The following GULP1 variants were observed in gnomAD, a reference collection of about 807,000 sequenced individuals.
GULP1 encodes the protein PTB domain-containing engulfment adapter protein 1.
GULP1 carries 19 observed loss-of-function variants against 40.9 expected under a neutral mutation model. That is an observed-to-expected ratio of 0.46 (90% CI 0.32 to 0.68). The LOEUF is 0.68. Ranked by LOEUF, GULP1 falls within the 30% of genes least tolerant of loss-of-function variation. The probability of loss-of-function intolerance (pLI) is 0.03; values close to 1 mark genes in which losing one functional copy is unlikely to be tolerated. For missense variants in GULP1, 312 were observed against 362.2 expected (o/e 0.86, Z 1.12); for synonymous variants, 119 against 117.6 (o/e 1.01, Z -0.08).
intron 2 of GULP1, among the ~76,000 whole-genome samples, chr2:188,455,654 T>TA (rs2059198276): frequency 6.6e-6 from 1 of 152,116 alleles, no homozygotes; most frequent in Non-Finnish European, 1.5e-5. Flanking sequence ...AAAGGACTAA[T>TA]ACAGTAAATT....
At chr2:188,343,716 G>T (rs374259769) in intron 1 of GULP1, among the ~76,000 whole-genome samples, 33 of 152,286 alleles carry the variant, frequency 2.2e-4, no homozygotes, top group African/African-American at 7.5e-4. Flanking sequence ...TTTCCTCAAA[G>T]GGTAGGAGAA....
At chr2:188,305,613 A>G (rs1297650304) in intron 1 of GULP1, among the ~76,000 whole-genome samples, 1 of 152,216 alleles carries the variant, frequency 6.6e-6, no homozygotes, top group Non-Finnish European at 1.5e-5. Flanking sequence ...AAGGACTATG[A>G]AAGTTGGGAG....
At chr2:188,336,352 G>A (rs1380213038) in intron 1 of GULP1, among the ~76,000 whole-genome samples, 1 of 152,132 alleles carries the variant, frequency 6.6e-6, no homozygotes, top group African/African-American at 2.4e-5. Flanking sequence ...CTACATGTTT[G>A]TGAAATGGGC....
intron 1 of GULP1, among the ~76,000 whole-genome samples, chr2:188,345,460 GA>G (rs990534241): frequency 2.0e-5 from 3 of 152,144 alleles, no homozygotes; most frequent in Non-Finnish European, 4.4e-5. Context: ...GAAGACAGGG[GA>G]ACAATTTTTT....
At chr2:188,552,716 T>A (rs917298040) in intron 7 of GULP1, among the ~76,000 whole-genome samples, 1 of 151,726 alleles carries the variant, frequency 6.6e-6, no homozygotes. Flanking sequence ...TGGTAGTCAT[T>A]TAAATGATAT....
chr2:188,457,720 G>A (rs1007827630), intron 2 of GULP1, among the ~76,000 whole-genome samples: 6 of 152,102 alleles, frequency 3.9e-5, no homozygotes, highest in South Asian at 2.1e-4. Context: ...TTATCAAGAC[G>A]TCTTTGCCCT....
At chr2:188,543,164 G>A (rs932740509) in intron 7 of GULP1, among the ~76,000 whole-genome samples, 22 of 151,788 alleles carry the variant, frequency 1.4e-4, no homozygotes, top group African/African-American at 5.1e-4. Context: ...CTTGTTGTGC[G>A]CATGTACCCT....
At chr2:188,366,203 A>G (rs1227080873) in intron 1 of GULP1, among the ~76,000 whole-genome samples, 1 of 152,190 alleles carries the variant, frequency 6.6e-6, no homozygotes, top group South Asian at 2.1e-4. Context: ...TAGAAATTTT[A>G]TGCTGAATAG....
intron 9 of GULP1, among the ~76,000 whole-genome samples, chr2:188,573,397 A>T (rs1037638683): frequency 2.0e-5 from 3 of 152,238 alleles, no homozygotes; most frequent in Non-Finnish European, 2.9e-5. Context: ...TGAATTTGAA[A>T]AACAGACAAT....
chr2:188,367,221 C>T (rs1231120429), intron 1 of GULP1, among the ~76,000 whole-genome samples: 1 of 152,034 alleles, frequency 6.6e-6, no homozygotes, highest in African/African-American at 2.4e-5. Flanking sequence ...GAATGATGTC[C>T]CACTGTTTAT....
chr2:188,468,732 GA>G (rs1255732710), intron 2 of GULP1, among the ~76,000 whole-genome samples: 1 of 152,110 alleles, frequency 6.6e-6, no homozygotes, highest in Non-Finnish European at 1.5e-5. Flanking sequence ...TTAGTTGCCA[GA>G]AATCTTTCCA....
At chr2:188,524,609 T>C (rs939006846) in intron 5 of GULP1, among the ~76,000 whole-genome samples, 26 of 150,966 alleles carry the variant, frequency 1.7e-4, no homozygotes, top group African/African-American at 5.8e-4. Context: ...TATATATTTT[T>C]TTTTTGCTTT....
At chr2:188,503,651 C>T (rs1032836320) in intron 4 of GULP1, among the ~76,000 whole-genome samples, 14 of 151,710 alleles carry the variant, frequency 9.2e-5, no homozygotes, top group African/African-American at 3.1e-4. Context: ...CCAATGTGGC[C>T]CAGGGAGGCC....
chr2:188,433,395 C>T (rs144000892), intron 2 of GULP1, among the ~76,000 whole-genome samples: 1 of 152,056 alleles, frequency 6.6e-6, no homozygotes, highest in Non-Finnish European at 1.5e-5. Context: ...GTTTCTCGAG[C>T]AAATGCAAAG....
chr2:188,365,389 G>A lies in GULP1; in HGVS notation c.-171-18374G>A, dbSNP rs540318744. ...AGTGATAGACTAGGGACTTCACAGA[G>A]CTTACTGGAACAGTATGTATGACTG... On this transcript the variant is annotated intron_variant, in intron 1 of 11. Coordinates refer to ENST00000409830, the MANE Select transcript of GULP1 (RefSeq NM_016315.4). Among the ~76,000 whole-genome samples, 5 of 152,282 alleles carry A rather than the reference G, an allele frequency of 3.3e-5. No individual in the cohort carries two copies. The South Asian group carries it at 1.0e-3, about 32-fold the overall frequency.
intron 2 of GULP1, among the ~76,000 whole-genome samples, chr2:188,387,448 C>G (rs769164015): frequency 2.0e-5 from 3 of 152,118 alleles, no homozygotes; most frequent in Non-Finnish European, 4.4e-5. Context: ...TCACCTCTAA[C>G]TTTCAATAAA....
Position 188,421,292 on chromosome 2 carries a change from A to G in GULP1, c.-45+37403A>G, listed in dbSNP as rs367555179. 2.2e-4 allele frequency among the ~76,000 whole-genome samples: 33 copies of G among 152,312 alleles called. 1 individual carries two copies. Among genetic ancestry groups the G allele is most frequent in the African/African-American group, 7.9e-4 (33 of 41,586 alleles). On this transcript the variant is annotated intron_variant, in intron 2 of 11. Transcript: ENST00000409830. ...TCAAATTCGTCAACAATAAATTTAA[A>G]TTAGACCTATGCCTGTATAAATTAT...
chr2:188,376,520 A>G (rs2048316119), intron 1 of GULP1, among the ~76,000 whole-genome samples: 1 of 152,244 alleles, frequency 6.6e-6, no homozygotes, highest in African/African-American at 2.4e-5. Flanking sequence ...TTCAAAGGCC[A>G]TAAGCCATAA....
At chr2:188,309,161 G>A (rs1345790466) in intron 1 of GULP1, among the ~76,000 whole-genome samples, 1 of 152,070 alleles carries the variant, frequency 6.6e-6, no homozygotes, top group East Asian at 1.9e-4. Flanking sequence ...CATCACGAAT[G>A]ATCTCTGTCT....
Sources: allele counts gnomAD v4.1 joint callset (sites outside exome capture counted in the v4.1 genomes callset), GRCh38; gene constraint gnomAD v4.1.1; transcripts MANE v1.5; gene names NCBI Gene and HGNC (gene_info 2026-07-23, HGNC 2026-07-21).